FUNDC1: variants seen among roughly 807,000 people sequenced by gnomAD.
The protein encoded by FUNDC1 is FUN14 domain containing 1.
Under a neutral mutation model 14.5 loss-of-function variants are expected in FUNDC1, and 10 were observed. The observed-to-expected ratio is 0.69, with a 90% confidence interval of 0.43 to 1.17. The LOEUF (loss-of-function observed/expected upper bound fraction) is 1.17. Among genes scored for constraint, FUNDC1 ranks in the 50% most tolerant of loss-of-function variants. FUNDC1 has a pLI of 0.00. For missense variants in FUNDC1, 115 were observed against 113.8 expected (o/e 1.01, Z -0.05); for synonymous variants, 33 against 39.7 (o/e 0.83, Z 0.64).
chrX:44,540,562 G>C, intron 2 of FUNDC1, among the ~76,000 whole-genome samples: 1 of 111,396 alleles, frequency 9.0e-6, no homozygotes, highest in Non-Finnish European at 1.9e-5. Flanking sequence ...TTGCTTGATG[G>C]CATCAGTCAC....
intron 4 of FUNDC1, among the ~76,000 whole-genome samples, chrX:44,526,535 A>C (rs1327008464): frequency 2.7e-5 from 3 of 110,717 alleles, no homozygotes; most frequent in African/African-American, 9.8e-5. Flanking sequence ...CTGTACTCTT[A>C]GAAGATACAT....
intron 3 of FUNDC1, among the ~76,000 whole-genome samples, chrX:44,535,669 C>CA (rs1224864816): frequency 0.028 from 880 of 31,979 alleles, 30 homozygotes; most frequent in African/African-American, 0.071. Context: ...GACTCTGTCT[C>CA]AAAAAAAAAA....
chrX:44,527,043 C>CA lies in FUNDC1; in HGVS notation c.390+193dup, dbSNP rs370172957. On this transcript the variant is annotated intron_variant, in intron 4 of 4. Coordinates refer to ENST00000378045, the MANE Select transcript of FUNDC1 (RefSeq NM_173794.4). ...ATGCAGGGGAATCTATGATAACCAC[C>CA]AAAAAAAAAAAAATAATGACTGATT... Among the ~76,000 whole-genome samples, 213 of 93,536 alleles carry CA rather than the reference C, an allele frequency of 2.3e-3. 3 individuals carry two copies. The East Asian group carries it at 0.035, about 15-fold the overall frequency. 81.2% of individuals were successfully genotyped at this position (93,536 alleles called of 115,157 possible). A position where few individuals can be genotyped will look rare whatever the true frequency, so the allele number is the denominator to read the frequency against.
intron 3 of FUNDC1, among the ~76,000 whole-genome samples, chrX:44,535,077 C>T (rs1199543616): frequency 9.0e-6 from 1 of 110,973 alleles, no homozygotes; most frequent in African/African-American, 3.3e-5. Context: ...GCCCAGGAGG[C>T]AGAGTTTGTA....
Position 44,524,180 on chromosome X carries a change from G to A in FUNDC1, c.*18C>T. 1 of 1,116,532 alleles carries A rather than the reference G, an allele frequency of 9.0e-7. No individual in the cohort carries two copies. Among genetic ancestry groups the A allele is most frequent in the East Asian group, 3.0e-5 (1 of 33,370 alleles). 92.0% of individuals were successfully genotyped at this position (1,116,532 alleles called of 1,213,427 possible). A position where few individuals can be genotyped will look rare whatever the true frequency, so the allele number is the denominator to read the frequency against. On this transcript the variant is annotated 3_prime_UTR_variant, in exon 5 of 5. Transcript: ENST00000378045. ...CTCTTCTCATAGTTGAATCCGTTATGGGAGAATATTCATGTCCTTAAGATG... is the reference window on the plus strand; with the variant it reads ...CTCTTCTCATAGTTGAATCCGTTATAGGAGAATATTCATGTCCTTAAGATG...
intron 3 of FUNDC1, among the ~76,000 whole-genome samples, chrX:44,536,723 T>A (rs2038950649): frequency 9.0e-6 from 1 of 111,548 alleles, no homozygotes; most frequent in Non-Finnish European, 1.9e-5. Context: ...GCAAACTGGA[T>A]GTCTCAAGGG....
intron 4 of FUNDC1, among the ~76,000 whole-genome samples, chrX:44,526,134 CA>C (rs763280116): frequency 5.1e-5 from 5 of 97,146 alleles, no homozygotes; most frequent in African/African-American, 1.9e-4. Flanking sequence ...AAAAAAAAAA[CA>C]AAAAAAAACA....
At chrX:44,538,322 A>T in intron 3 of FUNDC1, 145 bp downstream of exon 3, 1 of 468,004 alleles carries the variant, frequency 2.1e-6, no homozygotes, top group Non-Finnish European at 3.7e-6. Flanking sequence ...AACTATGCTT[A>T]ATAACTCAGA....
At chrX:44,531,479 G>A (rs927141698) in intron 3 of FUNDC1, among the ~76,000 whole-genome samples, 17 of 108,580 alleles carry the variant, frequency 1.6e-4, no homozygotes, top group African/African-American at 5.0e-4. Flanking sequence ...GTTTCACTGC[G>A]GGAAATTCTG....
intron 3 of FUNDC1, among the ~76,000 whole-genome samples, chrX:44,532,583 G>A (rs1169346789): frequency 9.6e-6 from 1 of 104,660 alleles, no homozygotes; most frequent in Non-Finnish European, 1.9e-5. Flanking sequence ...ACGGAGTTTC[G>A]CTTTTGTCAC....
intron 3 of FUNDC1, among the ~76,000 whole-genome samples, chrX:44,528,165 C>G (rs2038909390): frequency 8.9e-6 from 1 of 112,054 alleles, no homozygotes; most frequent in Admixed American, 9.6e-5. Context: ...CTTATGCTTT[C>G]TTTGTAATTT....
chrX:44,539,565 T>C (rs1434555482), intron 2 of FUNDC1, among the ~76,000 whole-genome samples: 1 of 111,537 alleles, frequency 9.0e-6, no homozygotes, highest in Non-Finnish European at 1.9e-5. Context: ...AAAACAGATT[T>C]CTCCCTCTGA....
At chrX:44,531,315 G>GACACACAC (rs766982993) in intron 3 of FUNDC1, among the ~76,000 whole-genome samples, 197 of 18,843 alleles carry the variant, frequency 0.01, 18 homozygotes, top group Non-Finnish European at 0.013. Context: ...ATGTTGGCCA[G>GACACACAC]ACACACACAC....
At chrX:44,536,023 C>T (rs1236446186) in intron 3 of FUNDC1, among the ~76,000 whole-genome samples, 2 of 104,134 alleles carry the variant, frequency 1.9e-5, no homozygotes, top group Non-Finnish European at 3.9e-5. Context: ...GAAATAATCC[C>T]GGCCGCCCGT....
intron 3 of FUNDC1, among the ~76,000 whole-genome samples, chrX:44,532,169 C>T (rs1389585169): frequency 9.1e-6 from 1 of 109,978 alleles, no homozygotes; most frequent in Non-Finnish European, 1.9e-5. Context: ...CTGAGGAAGG[C>T]GGATCACTTG....
chrX:44,532,122 C>G (rs909202776), intron 3 of FUNDC1, among the ~76,000 whole-genome samples: 2 of 110,471 alleles, frequency 1.8e-5, no homozygotes, highest in Non-Finnish European at 3.8e-5. Context: ...AGGCCCGGCA[C>G]GGTGGCTCAT....
At chrX:44,535,091 AG>A (rs2038942096) in intron 3 of FUNDC1, among the ~76,000 whole-genome samples, 1 of 111,305 alleles carries the variant, frequency 9.0e-6, no homozygotes, top group African/African-American at 3.3e-5. Context: ...GTTTGTAGTG[AG>A]TGAGATTGTA....
chrX:44,538,382 T>A, intron 3 of FUNDC1, 85 bp downstream of exon 3: 1 of 663,561 alleles, frequency 1.5e-6, no homozygotes, highest in Non-Finnish European at 2.4e-6. Flanking sequence ...CCAAAACTCA[T>A]TGTAGCTCTT....
rs2038915692 is a variant in FUNDC1, at chrX:44,529,819, A to G, written c.262-2454T>C. Reference sequence around the variant, plus strand: ...TGTTCCCTTGCAGGAAAAATGAAAAACCTTGAGATGCTAAAGATATTAATG... The same window carrying G: ...TGTTCCCTTGCAGGAAAAATGAAAAGCCTTGAGATGCTAAAGATATTAATG... On this transcript the variant is annotated intron_variant, in intron 3 of 4. Coordinates refer to ENST00000378045, the MANE Select transcript of FUNDC1 (RefSeq NM_173794.4). 2.7e-5 allele frequency among the ~76,000 whole-genome samples: 3 copies of G among 111,215 alleles called. No individual in the cohort carries two copies. The Admixed American group carries it at 2.9e-4, about 11-fold the overall frequency.
Sources: gnomAD v4.1 joint callset for allele counts (sites outside exome capture counted in the v4.1 genomes callset) on GRCh38, gnomAD v4.1.1 for gene constraint, MANE v1.5 for transcripts, NCBI Gene and HGNC (gene_info 2026-07-23, HGNC 2026-07-21) for gene names.